The following PWP1 variants were observed in gnomAD, a reference collection of about 807,000 sequenced individuals.
The protein encoded by PWP1 is periodic tryptophan protein 1 homolog.
Under a neutral mutation model 69.9 loss-of-function variants are expected in PWP1, and 47 were observed. That is an observed-to-expected ratio of 0.67 (90% confidence interval 0.53 to 0.86). The LOEUF is 0.86. Ranked by LOEUF, PWP1 falls within the 40% of genes least tolerant of loss-of-function variation. The pLI is 0.00. For missense variants in PWP1, 551 were observed against 608.8 expected (o/e 0.91, Z 1.00); for synonymous variants, 222 against 208.2 (o/e 1.07, Z -0.57).
At chr12:107,704,916 AC>A (rs1459977177) in intron 11 of PWP1, among the ~76,000 whole-genome samples, 169 bp downstream of exon 11, 1 of 152,178 alleles carries the variant, frequency 6.6e-6, no homozygotes, top group Non-Finnish European at 1.5e-5. Context: ...AACGGCTCTT[AC>A]TTAAAAAGCA....
Position 107,708,913 on chromosome 12 carries a change from T to C in PWP1, c.1078-13T>C. The C allele has an allele frequency of 6.2e-7, 1 of 1,611,264 alleles. No individual in the cohort carries two copies. The highest frequency in any genetic ancestry group is 8.5e-7 in the Non-Finnish European group (1 of 1,178,748). Reference sequence around the variant, plus strand: ...GACGTAGCATGACCTTGCCCATCTTTTACTCTTTCTAGGCCAGTACAGATG... The same window carrying C: ...GACGTAGCATGACCTTGCCCATCTTCTACTCTTTCTAGGCCAGTACAGATG... On this transcript the variant is annotated splice_polypyrimidine_tract_variant and intron_variant, in intron 11 of 14. Transcript: ENST00000412830.
In PWP1 at chr12:107,712,388, C is replaced by T. The variant is rs1889974005; in HGVS notation, c.*168C>T. ...GCACCACAAATATCCGGTCTTTGTG[C>T]TTGCTCTTCAGATGGATGGTTTGTA... On this transcript the variant is annotated 3_prime_UTR_variant, in exon 15 of 15. Transcript: ENST00000412830. 2 of 544,926 alleles carry T rather than the reference C, an allele frequency of 3.7e-6. No homozygotes were observed. Among genetic ancestry groups the T allele is most frequent in the Non-Finnish European group, 3.3e-6 (1 of 305,518 alleles). 33.8% of individuals were successfully genotyped at this position (544,926 alleles called of 1,614,324 possible).
At chr12:107,687,077 G>A (rs915874480) in intron 1 of PWP1, among the ~76,000 whole-genome samples, 2 of 151,774 alleles carry the variant, frequency 1.3e-5, no homozygotes. Flanking sequence ...CTACCAAACA[G>A]TAAAAGGGGT....
intron 11 of PWP1, among the ~76,000 whole-genome samples, chr12:107,705,306 A>G (rs1471738179): frequency 6.6e-6 from 1 of 152,106 alleles, no homozygotes; most frequent in Non-Finnish European, 1.5e-5. Flanking sequence ...CAGAGCAAAG[A>G]TTAGTTAAAT....
chr12:107,710,053 CATT>C (rs752339670), intron 13 of PWP1, among the ~76,000 whole-genome samples: 3 of 152,090 alleles, frequency 2.0e-5, no homozygotes, highest in Admixed American at 1.3e-4. Flanking sequence ...AAACTGGCAT[CATT>C]GTTATTGTTT....
chr12:107,700,726 A>G (rs971314044), intron 8 of PWP1, among the ~76,000 whole-genome samples: 2 of 152,020 alleles, frequency 1.3e-5, no homozygotes, highest in Non-Finnish European at 2.9e-5. Context: ...TCTATTTTTA[A>G]TTTTTTGAGG....
At chr12:107,695,318 G>A (rs1007109885) in intron 5 of PWP1, among the ~76,000 whole-genome samples, 2 of 151,890 alleles carry the variant, frequency 1.3e-5, no homozygotes, top group Admixed American at 6.6e-5. Context: ...TGAGTATATC[G>A]AACATGGTTG....
At position 107,709,190 on chromosome 12, in the gene PWP1, A is replaced by T. The variant is rs1322465336; in HGVS notation, c.1248A>T (p.Leu416Phe). 6.2e-7 allele frequency: 1 copy of T among 1,613,804 alleles called. No homozygotes were observed. Among genetic ancestry groups the T allele is most frequent in the African/African-American group, 1.3e-5 (1 of 74,894 alleles). Residue 416 changes from leucine to phenylalanine, a missense_variant, in exon 13 of 15, where the codon TTA becomes TTT. Transcript: ENST00000412830. ...ADKYVKIWDI[L>F]GDRPSLVHSR... ...AATACGTGAAGATCTGGGACATCTT[A>T]GGAGATAGGCCAAGTCTAGTTCATT...
intron 14 of PWP1, 74 bp from the exon 15 acceptor site, chr12:107,712,037 C>T: frequency 2.4e-6 from 3 of 1,248,932 alleles, no homozygotes; most frequent in South Asian, 1.2e-5. Context: ...CACAATTCTG[C>T]ATTTTAGTGT....
chr12:107,698,966 T>C (rs1401879418), intron 7 of PWP1, among the ~76,000 whole-genome samples: 1 of 152,110 alleles, frequency 6.6e-6, no homozygotes, highest in Non-Finnish European at 1.5e-5. Context: ...AAAGTTTATA[T>C]AATATCAAAA....
At chr12:107,707,533 T>G (rs1889847314) in intron 11 of PWP1, among the ~76,000 whole-genome samples, 1 of 152,204 alleles carries the variant, frequency 6.6e-6, no homozygotes, top group South Asian at 2.1e-4. Flanking sequence ...GGCTGTGGGT[T>G]TGTCATAAAT....
At chr12:107,699,285 A>G in intron 7 of PWP1, 88 bp from the exon 8 acceptor site, 1 of 1,024,854 alleles carries the variant, frequency 9.8e-7, no homozygotes, top group Non-Finnish European at 1.5e-6. Context: ...AAATAATCTT[A>G]AGGTTTAAAG....
intron 1 of PWP1, among the ~76,000 whole-genome samples, chr12:107,688,154 A>G (rs1048487336): frequency 7.2e-5 from 11 of 152,026 alleles, no homozygotes; most frequent in African/African-American, 2.7e-4. Context: ...TGGTTGGAAG[A>G]AAACCAGACG....
At chr12:107,707,074 G>C (rs1009723872) in intron 11 of PWP1, among the ~76,000 whole-genome samples, 6 of 151,158 alleles carry the variant, frequency 4.0e-5, no homozygotes, top group Admixed American at 1.3e-4. Context: ...CTTTTATTTC[G>C]TTGAGCAGTG....
intron 1 of PWP1, among the ~76,000 whole-genome samples, chr12:107,687,988 G>A (rs567071189): frequency 7.5e-6 from 1 of 133,262 alleles, no homozygotes; most frequent in African/African-American, 2.8e-5. Context: ...CCGAGATGGC[G>A]CCATTGCTCT....
Position 107,704,750 on chromosome 12 carries a change from A to T in PWP1, c.1077+3A>T. On this transcript the variant is annotated splice_donor_region_variant and intron_variant, in intron 11 of 14. Coordinates refer to ENST00000412830, the MANE Select transcript of PWP1 (RefSeq NM_007062.3). ...ACTTTTCACCTTGTCATTTCTTGGT[A>T]AGAGTACGAATGTTGTTGTTTTGCT... 1 of 1,610,528 alleles carries T rather than the reference A, an allele frequency of 6.2e-7. No homozygotes were observed. Among genetic ancestry groups the T allele is most frequent in the Non-Finnish European group, 8.5e-7 (1 of 1,176,790 alleles).
intron 10 of PWP1, among the ~76,000 whole-genome samples, chr12:107,704,292 C>A (rs1038941235): frequency 2.6e-5 from 4 of 152,170 alleles, no homozygotes; most frequent in African/African-American, 9.7e-5. Flanking sequence ...GTAAGTGTGC[C>A]TAAGACATGA....
intron 10 of PWP1, 48 bp from the exon 11 acceptor site, chr12:107,704,588 T>C (rs1374317903): frequency 1.5e-5 from 18 of 1,237,268 alleles, no homozygotes; most frequent in South Asian, 5.0e-5. Context: ...ATAAAACATA[T>C]AGGAGAATTG....
chr12:107,696,090 T>C (rs1889580395), intron 5 of PWP1, among the ~76,000 whole-genome samples: 1 of 142,940 alleles, frequency 7.0e-6, no homozygotes, highest in African/African-American at 2.5e-5. Flanking sequence ...TGGAGTGCAG[T>C]GGTGCGATCT....
Sources: allele counts gnomAD v4.1 joint callset (sites outside exome capture counted in the v4.1 genomes callset), GRCh38; gene constraint gnomAD v4.1.1; transcripts MANE v1.5; gene names NCBI Gene and HGNC (gene_info 2026-07-23, HGNC 2026-07-21).